The following NUMB variants were observed in gnomAD, a reference collection of about 807,000 sequenced individuals.
The protein encoded by NUMB is protein numb homolog.
In NUMB, 29 loss-of-function variants were observed where a neutral mutation model predicts 59.7. That is an observed-to-expected ratio of 0.49 (90% CI 0.36 to 0.66). The LOEUF (loss-of-function observed/expected upper bound fraction) is 0.66. Among genes scored for constraint, NUMB ranks in the 30% least tolerant of loss-of-function variants. The pLI is 0.00. For missense variants in NUMB, 723 were observed against 822.0 expected (o/e 0.88, Z 1.47); for synonymous variants, 288 against 288.2 (o/e 1.00, Z 0.01).
Position 73,313,668 on chromosome 14 carries a change from G to GAAAAAAAAAAAAAAAAAA in NUMB, c.234+2721_234+2722insTTTTTTTTTTTTTTTTTT, listed in dbSNP as rs10582204. ...TATATATGCAAATATTCCAAAATCT[G>GAAAAAAAAAAAAAAAAAA]AAAAAAAAAAAAAAAAATCCAAAAT... is the stretch of plus-strand genomic sequence containing the variant. On this transcript the variant is annotated intron_variant, in intron 6 of 12. Transcript: ENST00000555238. 6.3e-4 allele frequency among the ~76,000 whole-genome samples: 78 copies of GAAAAAAAAAAAAAAAAAA among 124,066 alleles called. No individual in the cohort carries two copies. The South Asian group carries it at 8.6e-3, about 14-fold the overall frequency. 81.4% of individuals were successfully genotyped at this position (124,066 alleles called of 152,430 possible).
In NUMB at chr14:73,282,518, CAG is replaced by C. The variant is rs918039688; in HGVS notation, c.950-15_950-14del. ...TCTACTTCTGGCACTGCAAGGCAAA[CAG>C]AAAATGGCTCCAGACAGAAAAATGG... is the stretch of plus-strand genomic sequence containing the variant. On this transcript the variant is annotated splice_polypyrimidine_tract_variant and intron_variant, in intron 10 of 12. Coordinates refer to ENST00000555238, the MANE Select transcript of NUMB (RefSeq NM_001005743.2). 6.2e-7 allele frequency: 1 copy of C among 1,610,434 alleles called. No homozygotes were observed.
chr14:73,276,513 C>T lies in NUMB; in HGVS notation c.*65G>A. On this transcript the variant is annotated 3_prime_UTR_variant, in exon 13 of 13. Coordinates refer to ENST00000555238, the MANE Select transcript of NUMB (RefSeq NM_001005743.2). Reference sequence around the variant, plus strand: ...TAATCAGGAGACAAAGTCTGTTTTGCTCCTTTGACCGCTACCCCCTGCTCC... The same window carrying T: ...TAATCAGGAGACAAAGTCTGTTTTGTTCCTTTGACCGCTACCCCCTGCTCC... 1.5e-6 allele frequency: 2 copies of T among 1,313,704 alleles called. No individual in the cohort carries two copies. Among genetic ancestry groups the T allele is most frequent in the East Asian group, 2.3e-5 (1 of 43,048 alleles). The allele number at this position is 1,313,704 out of a possible 1,614,324, so 81.4% of individuals were successfully genotyped here. A position where few individuals can be genotyped will look rare whatever the true frequency, so the allele number is the denominator to read the frequency against.
At chr14:73,445,385 A>AAAACAAAC (rs1883418799) in intron 1 of NUMB, among the ~76,000 whole-genome samples, 1 of 142,400 alleles carries the variant, frequency 7.0e-6, no homozygotes, top group Admixed American at 7.1e-5. Context: ...AAAAAAAAAA[A>AAAACAAAC]AAAAAAAAAA....
chr14:73,324,115 T>C (rs982693037), intron 4 of NUMB, among the ~76,000 whole-genome samples: 3 of 152,188 alleles, frequency 2.0e-5, no homozygotes, highest in Non-Finnish European at 4.4e-5. Context: ...GTAGATTAAC[T>C]GTATCACAGA....
chr14:73,340,538 G>T (rs1892579074), intron 4 of NUMB, among the ~76,000 whole-genome samples: 1 of 152,182 alleles, frequency 6.6e-6, no homozygotes, highest in African/African-American at 2.4e-5. Context: ...TAAGCGTAGT[G>T]CAAGGATTTT....
chr14:73,412,552 A>C (rs533507253), intron 1 of NUMB, among the ~76,000 whole-genome samples: 213 of 149,434 alleles, frequency 1.4e-3, no homozygotes, highest in Non-Finnish European at 2.0e-3. Flanking sequence ...GCTTGAACCC[A>C]GGAGGTGGAG....
chr14:73,302,032 G>A (rs968895417), intron 6 of NUMB, among the ~76,000 whole-genome samples: 1 of 151,998 alleles, frequency 6.6e-6, no homozygotes, highest in Non-Finnish European at 1.5e-5. Flanking sequence ...GCAGTGAGCT[G>A]AGATCACGCC....
intron 1 of NUMB, among the ~76,000 whole-genome samples, chr14:73,445,334 G>A (rs1171340176): frequency 5.8e-5 from 6 of 103,670 alleles, no homozygotes; most frequent in Non-Finnish European, 9.0e-5. Context: ...CAGCCTGAGT[G>A]ACAAAGTGAG....
intron 3 of NUMB, among the ~76,000 whole-genome samples, chr14:73,358,322 C>T (rs748539770): frequency 3.3e-5 from 5 of 152,150 alleles, no homozygotes; most frequent in African/African-American, 4.8e-5. Flanking sequence ...CTGTTGAAAA[C>T]CCTTCAATTG....
chr14:73,330,399 T>C (rs930624128), intron 4 of NUMB, among the ~76,000 whole-genome samples: 1 of 152,200 alleles, frequency 6.6e-6, no homozygotes, highest in Admixed American at 6.5e-5. Context: ...ATTTTTTTCA[T>C]AGTCACATTT....
At chr14:73,282,311 A>G (rs1469611224) in intron 11 of NUMB, 48 bp downstream of exon 11, 2 of 1,598,764 alleles carry the variant, frequency 1.3e-6, no homozygotes, top group Admixed American at 3.4e-5. Context: ...AGTGTACTAA[A>G]AGTACTGGTT....
rs907678889 is a variant in NUMB, at chr14:73,311,780, G to A, written c.234+4610C>T. On this transcript the variant is annotated intron_variant, in intron 6 of 12. Coordinates refer to ENST00000555238, the MANE Select transcript of NUMB (RefSeq NM_001005743.2). ...AGGAACTGTACTGGATAAAAACTCC[G>A]TAACATATACTGTTCTGTAAGATGC... is the stretch of plus-strand genomic sequence containing the variant. Among the ~76,000 whole-genome samples, 4 of 152,086 alleles carry A rather than the reference G, an allele frequency of 2.6e-5. No individual in the cohort carries two copies. The East Asian group carries it at 5.8e-4, about 22-fold the overall frequency.
At position 73,374,749 on chromosome 14, in the gene NUMB, G is replaced by A. The variant is rs575323955; in HGVS notation, c.-100-7768C>T. Among the ~76,000 whole-genome samples, 4 of 127,968 alleles carry A rather than the reference G, an allele frequency of 3.1e-5. No homozygotes were observed. The South Asian group carries it at 7.6e-4, about 24-fold the overall frequency. 84.0% of individuals were successfully genotyped at this position (127,968 alleles called of 152,430 possible). A position where few individuals can be genotyped will look rare whatever the true frequency, so the allele number is the denominator to read the frequency against. On this transcript the variant is annotated intron_variant, in intron 2 of 12. Transcript: ENST00000555238. ...TTTTTTTTTTTTTTTTTGAGACAGA[G>A]TCTCTCTCTTGTCGCCCAGGCTGGA...
intron 1 of NUMB, among the ~76,000 whole-genome samples, chr14:73,440,221 ATATATATGGATATCCATAT>A (rs1882937121): frequency 2.0e-5 from 3 of 150,294 alleles, no homozygotes; most frequent in Non-Finnish European, 4.4e-5. Flanking sequence ...ATATCCATAT[ATATATATGGATATCCATAT>A]ATATATACAT....
At position 73,275,552 on chromosome 14, in the gene NUMB, T is replaced by G. The variant is rs1259800307; in HGVS notation, c.*1026A>C. On this transcript the variant is annotated 3_prime_UTR_variant, in exon 13 of 13. Transcript: ENST00000555238. ...TGTTCCCTTCTATGGTATGATTATG[T>G]CATGTTACCTTAGTGTTAAAGGATT... 1.3e-5 allele frequency: 2 copies of G among 152,132 alleles called. No individual in the cohort carries two copies. The highest frequency in any genetic ancestry group is 4.8e-5 in the African/African-American group (2 of 41,426). 9.4% of individuals were successfully genotyped at this position (152,132 alleles called of 1,614,324 possible).
intron 12 of NUMB, among the ~76,000 whole-genome samples, chr14:73,279,049 AT>A (rs1160136550): frequency 3.9e-5 from 6 of 152,076 alleles, no homozygotes; most frequent in Admixed American, 3.9e-4. Context: ...TAAAAGCTCT[AT>A]GGGTGGGGCT....
At chr14:73,384,605 T>A (rs1264384342) in intron 2 of NUMB, among the ~76,000 whole-genome samples, 1 of 152,208 alleles carries the variant, frequency 6.6e-6, no homozygotes, top group Non-Finnish European at 1.5e-5. Flanking sequence ...TCTGGCTCTC[T>A]CGCCTACGCT....
At chr14:73,358,886 T>C (rs1157439805) in intron 3 of NUMB, among the ~76,000 whole-genome samples, 1 of 152,100 alleles carries the variant, frequency 6.6e-6, no homozygotes, top group Non-Finnish European at 1.5e-5. Flanking sequence ...GTAGGAAAAG[T>C]CTCAACATAC....
chr14:73,320,436 T>C (rs1412854644), intron 5 of NUMB, among the ~76,000 whole-genome samples: 4 of 152,188 alleles, frequency 2.6e-5, no homozygotes, highest in Non-Finnish European at 4.4e-5. Context: ...TCTCACTATG[T>C]TACCCAGGCT....
Sources: gnomAD v4.1 joint callset for allele counts (sites outside exome capture counted in the v4.1 genomes callset) on GRCh38, gnomAD v4.1.1 for gene constraint, MANE v1.5 for transcripts, NCBI Gene and HGNC (gene_info 2026-07-23, HGNC 2026-07-21) for gene names.